Variants in CD99 observed in about 807,000 individuals in gnomAD.
CD99 encodes the protein CD99 molecule (Xg blood group), also known as CD99 antigen.
In CD99, 19 loss-of-function variants were observed where a neutral mutation model predicts 28.4. The observed-to-expected ratio is 0.67, with a 90% CI of 0.47 to 0.98. The LOEUF (loss-of-function observed/expected upper bound fraction) is 0.98, where lower values mean the gene tolerates loss of function less well. CD99 is among the 50% of genes least tolerant of loss of function. The pLI, the probability that CD99 is intolerant of heterozygous loss-of-function variation, is 0.00. For missense variants in CD99, 283 were observed against 248.8 expected, an observed-to-expected ratio of 1.14 and a Z score of -0.92; for synonymous variants, 103 against 92.1, an observed-to-expected ratio of 1.12 and a Z score of -0.67.
intron 7 of CD99, 96 bp from the exon 8 acceptor site, chrX:2,726,164 G>C: frequency 2.8e-6 from 2 of 715,282 alleles, no homozygotes; most frequent in East Asian, 5.0e-5. Context: ...GGATCTTGGT[G>C]CTCTCAGACT....
intron 4 of CD99, 165 bp from the exon 5 acceptor site, chrX:2,720,191 G>A (rs1421766800): frequency 6.4e-6 from 1 of 155,898 alleles, no homozygotes; most frequent in African/African-American, 2.4e-5. Flanking sequence ...GTGGCTGAAA[G>A]TTGATGGGAG....
chrX:2,723,393 T>C (rs1388286751), intron 7 of CD99, 29 bp downstream of exon 7: 1 of 1,612,704 alleles, frequency 6.2e-7, no homozygotes, highest in Admixed American at 1.7e-5. Flanking sequence ...TGTCTTCTTG[T>C]CTCTCCCACG....
chrX:2,691,451 T>C, intron 1 of CD99, 24 bp downstream of exon 1: 1 of 1,575,182 alleles, frequency 6.3e-7, no homozygotes, highest in Non-Finnish European at 8.5e-7. Flanking sequence ...GGGATCCGGG[T>C]TGGGGGACGC....
chrX:2,730,929 CAAA>C (rs4034603), intron 8 of CD99, among the ~76,000 whole-genome samples: 27 of 106,158 alleles, frequency 2.5e-4, no homozygotes, highest in Middle Eastern at 4.5e-3. Flanking sequence ...GACTCTGTCT[CAAA>C]AAAAAAAAAA....
intron 2 of CD99, chrX:2,717,347 CAAAAAA>C (rs111805240): frequency 2.0e-5 from 7 of 345,768 alleles, no homozygotes; most frequent in Admixed American, 9.5e-5. Context: ...GACTTGGTCT[CAAAAAA>C]AAAAAAAAAA....
chrX:2,699,664 C>G (rs2047754278), intron 1 of CD99, among the ~76,000 whole-genome samples: 1 of 152,074 alleles, frequency 6.6e-6, no homozygotes, highest in Non-Finnish European at 1.5e-5. Context: ...CCTATGTTGC[C>G]CAGTTTAGTC....
chrX:2,710,668 G>T (rs1206121623), intron 1 of CD99, among the ~76,000 whole-genome samples: 1 of 151,516 alleles, frequency 6.6e-6, no homozygotes, highest in East Asian at 1.9e-4. Flanking sequence ...GGTGGAGGGG[G>T]TGGGGACTTG....
At chrX:2,731,337 C>T (rs1170510748) in intron 8 of CD99, among the ~76,000 whole-genome samples, 1 of 152,200 alleles carries the variant, frequency 6.6e-6, no homozygotes, top group African/African-American at 2.4e-5. Flanking sequence ...CGCCTGTAAT[C>T]CCAGCACTTT....
intron 9 of CD99, 136 bp from the exon 10 acceptor site, chrX:2,740,643 C>T: frequency 1.4e-6 from 1 of 721,892 alleles, no homozygotes; most frequent in Non-Finnish European, 2.3e-6. Flanking sequence ...TAGGGTTTTG[C>T]TTTCTCGTGA....
At chrX:2,727,936 C>T (rs1384344368) in intron 8 of CD99, among the ~76,000 whole-genome samples, 2 of 152,182 alleles carry the variant, frequency 1.3e-5, no homozygotes, top group Non-Finnish European at 2.9e-5. Flanking sequence ...ATTCCTAGAA[C>T]ATTTGAATAG....
At chrX:2,720,712 C>T (rs1193056667) in intron 5 of CD99, among the ~76,000 whole-genome samples, 1 of 148,626 alleles carries the variant, frequency 6.7e-6, no homozygotes, top group Non-Finnish European at 1.5e-5. Flanking sequence ...GCAACCTCCA[C>T]CTACTGGGTT....
intron 1 of CD99, among the ~76,000 whole-genome samples, chrX:2,704,046 C>T (rs746697275): frequency 6.6e-6 from 1 of 152,258 alleles, no homozygotes; most frequent in Admixed American, 6.5e-5. Flanking sequence ...GCTCATGAGC[C>T]TCACCCCAGA....
At chrX:2,736,897 A>T (rs1284345647) in intron 8 of CD99, among the ~76,000 whole-genome samples, 1 of 151,494 alleles carries the variant, frequency 6.6e-6, no homozygotes, top group Non-Finnish European at 1.5e-5. Context: ...ATAAATAAAT[A>T]AATTTGGGAA....
chrX:2,733,588 C>G, intron 8 of CD99: 1 of 556,874 alleles, frequency 1.8e-6, no homozygotes, highest in Non-Finnish European at 3.3e-6. Context: ...CTCATTATAG[C>G]AAATCATATT....
At chrX:2,721,476 T>C (rs1431850340) in intron 5 of CD99, among the ~76,000 whole-genome samples, 1 of 151,948 alleles carries the variant, frequency 6.6e-6, no homozygotes, top group Non-Finnish European at 1.5e-5. Flanking sequence ...TTTCATTTTT[T>C]GTAGAGGTGG....
Position 2,736,297 on chromosome X carries a change from G to A in CD99, c.476-1903G>A, listed in dbSNP as rs773811187. On this transcript the variant is annotated intron_variant, in intron 8 of 9. Transcript: ENST00000381192. The stretch of plus-strand genomic sequence containing the variant: ...AGGCATTTGAACCACAGATGGGGCC[G>A]TTTTACAAATAGCACGGTCTTTGTG... 3.3e-5 allele frequency among the ~76,000 whole-genome samples: 5 copies of A among 152,130 alleles called. No homozygotes were observed. In the East Asian group the frequency reaches 5.8e-4, roughly 18 times the overall value.
chrX:2,711,367 CAGTA>C (rs1569434557), intron 1 of CD99, among the ~76,000 whole-genome samples: 1 of 146,072 alleles, frequency 6.8e-6, no homozygotes, highest in Non-Finnish European at 1.5e-5. Context: ...TGTGTATATA[CAGTA>C]TGTATGTATA....
At chrX:2,727,334 C>T (rs755094784) in intron 8 of CD99, 17 of 779,158 alleles carry the variant, frequency 2.2e-5, no homozygotes, top group Middle Eastern at 4.5e-4. Context: ...TGGGATCCGC[C>T]GTGAAGCTGG....
chrX:2,727,105 C>G (rs569588324), intron 8 of CD99, among the ~76,000 whole-genome samples: 1 of 152,310 alleles, frequency 6.6e-6, no homozygotes, highest in South Asian at 2.1e-4. Context: ...TGACTGCACT[C>G]CAGCCTGGGC....
Sources: allele counts gnomAD v4.1 joint callset (sites outside exome capture counted in the v4.1 genomes callset), GRCh38; gene constraint gnomAD v4.1.1; transcripts MANE v1.5; gene names NCBI Gene and HGNC (gene_info 2026-07-23, HGNC 2026-07-21).